WWOX: variants seen among roughly 807,000 people sequenced by gnomAD.
WWOX encodes the protein WW domain containing oxidoreductase.
WWOX carries 69 observed loss-of-function variants against 46.2 expected under a neutral mutation model. The observed-to-expected ratio is 1.49, with a 90% CI of 1.23 to 1.82. The LOEUF is 1.82. Among genes scored for constraint, WWOX ranks in the 40% most tolerant of loss-of-function variants. WWOX has a pLI of 0.00. For synonymous variants in WWOX, 359 were observed against 202.6 expected (o/e 1.77, Z -6.56); for missense variants, 919 against 542.6 (o/e 1.69, Z -6.89).
intron 8 of WWOX, among the ~76,000 whole-genome samples, chr16:78,554,107 G>A (rs2044233928): frequency 6.6e-6 from 1 of 152,134 alleles, no homozygotes; most frequent in Non-Finnish European, 1.5e-5. Flanking sequence ...AAACCATGTG[G>A]CACCCCTTCC....
At chr16:78,311,904 T>C (rs1010182552) in intron 5 of WWOX, among the ~76,000 whole-genome samples, 5 of 152,196 alleles carry the variant, frequency 3.3e-5, no homozygotes, top group Admixed American at 6.5e-5. Flanking sequence ...GACACAGGCC[T>C]CCCTGGGCTA....
intron 8 of WWOX, among the ~76,000 whole-genome samples, chr16:78,992,174 G>C (rs2046900588): frequency 6.6e-6 from 1 of 152,174 alleles, no homozygotes; most frequent in African/African-American, 2.4e-5. Context: ...AGCCTGCTTG[G>C]GACATTGGGC....
intron 5 of WWOX, among the ~76,000 whole-genome samples, chr16:78,185,459 A>G (rs528407690): frequency 5.5e-4 from 84 of 151,882 alleles, no homozygotes; most frequent in Non-Finnish European, 9.0e-4. Context: ...AAGCCGCAGA[A>G]CTTTTTCAAG....
chr16:78,164,045 C>A, intron 4 of WWOX, 138 bp from the exon 5 acceptor site: 1 of 804,622 alleles, frequency 1.2e-6, no homozygotes, highest in Middle Eastern at 2.3e-4. Context: ...CAGACATTTG[C>A]TTCTGTCCCC....
At chr16:78,394,657 T>A (rs2151939847) in intron 6 of WWOX, among the ~76,000 whole-genome samples, 1 of 152,332 alleles carries the variant, frequency 6.6e-6, no homozygotes, top group East Asian at 1.9e-4. Flanking sequence ...ATTTGAGAAT[T>A]TTCAGACTAT....
At chr16:78,331,392 G>A (rs1204290867) in intron 5 of WWOX, among the ~76,000 whole-genome samples, 1 of 152,190 alleles carries the variant, frequency 6.6e-6, no homozygotes, top group Admixed American at 6.5e-5. Flanking sequence ...CAGGCAACCA[G>A]GTAATAAACC....
intron 8 of WWOX, among the ~76,000 whole-genome samples, chr16:79,100,577 C>T (rs559522764): frequency 2.0e-5 from 3 of 152,290 alleles, no homozygotes; most frequent in African/African-American, 7.2e-5. Context: ...AGCTCTTTTC[C>T]TATACAAGTC....
intron 8 of WWOX, among the ~76,000 whole-genome samples, chr16:79,208,972 T>G (rs1200610097): frequency 6.6e-6 from 1 of 152,172 alleles, no homozygotes; most frequent in African/African-American, 2.4e-5. Flanking sequence ...GAAGGAGAAT[T>G]TGCCAAAGGT....
At chr16:78,327,455 C>T (rs983130370) in intron 5 of WWOX, among the ~76,000 whole-genome samples, 1 of 152,044 alleles carries the variant, frequency 6.6e-6, no homozygotes, top group Non-Finnish European at 1.5e-5. Flanking sequence ...AAAGCATGAC[C>T]CACTGGGCAG....
intron 3 of WWOX, among the ~76,000 whole-genome samples, chr16:78,113,611 A>T (rs1159253865): frequency 6.6e-6 from 1 of 152,096 alleles, no homozygotes. Flanking sequence ...GTGCTGGTAA[A>T]TGTTTAGCAC....
intron 8 of WWOX, among the ~76,000 whole-genome samples, chr16:78,614,942 C>G (rs182047622): frequency 6.6e-6 from 1 of 152,192 alleles, no homozygotes; most frequent in East Asian, 1.9e-4. Flanking sequence ...CTTTGTGATG[C>G]TTGCTTTAAT....
At chr16:78,370,918 T>A (rs1042349720) in intron 5 of WWOX, among the ~76,000 whole-genome samples, 1 of 151,802 alleles carries the variant, frequency 6.6e-6, no homozygotes, top group Non-Finnish European at 1.5e-5. Context: ...TTTCTAAAAA[T>A]TTTGTTTCCT....
intron 8 of WWOX, among the ~76,000 whole-genome samples, chr16:78,933,178 C>G (rs1225935117): frequency 5.9e-5 from 9 of 152,222 alleles, no homozygotes; most frequent in Admixed American, 5.2e-4. Flanking sequence ...GTGGCTCACG[C>G]CTGTAATCCC....
At chr16:78,363,183 G>A (rs183137010) in intron 5 of WWOX, among the ~76,000 whole-genome samples, 3 of 152,194 alleles carry the variant, frequency 2.0e-5, no homozygotes, top group Admixed American at 1.3e-4. Flanking sequence ...TGTGTTCACC[G>A]TGCTGTGTGA....
chr16:79,165,244 C>G (rs1363541022), intron 8 of WWOX, among the ~76,000 whole-genome samples: 1 of 151,926 alleles, frequency 6.6e-6, no homozygotes, highest in Non-Finnish European at 1.5e-5. Flanking sequence ...ATGGTAACGG[C>G]TTCCGGCATC....
chr16:78,832,066 T>A (rs1183625963), intron 8 of WWOX, among the ~76,000 whole-genome samples: 2 of 152,158 alleles, frequency 1.3e-5, no homozygotes, highest in Admixed American at 1.3e-4. Context: ...TAGAATCTCA[T>A]TGTCTTTGTG....
intron 8 of WWOX, among the ~76,000 whole-genome samples, chr16:79,096,021 T>TTTTA (rs2049063985): frequency 7.0e-6 from 1 of 143,128 alleles, no homozygotes; most frequent in Non-Finnish European, 1.5e-5. Flanking sequence ...GGATAATTTT[T>TTTTA]TTTTTTTTTT....
chr16:79,200,603 C>T (rs189951145), intron 8 of WWOX, among the ~76,000 whole-genome samples: 1 of 152,132 alleles, frequency 6.6e-6, no homozygotes, highest in African/African-American at 2.4e-5. Flanking sequence ...AAGAGACTCT[C>T]AGTAACCAGC....
intron 8 of WWOX, among the ~76,000 whole-genome samples, chr16:78,841,113 T>G (rs906091138): frequency 6.6e-6 from 1 of 152,102 alleles, no homozygotes; most frequent in African/African-American, 2.4e-5. Flanking sequence ...AAAACTTGTT[T>G]CCATTGATCT....
Sources: allele counts gnomAD v4.1 joint callset (sites outside exome capture counted in the v4.1 genomes callset), GRCh38; gene constraint gnomAD v4.1.1; transcripts MANE v1.5; gene names NCBI Gene and HGNC (gene_info 2026-07-23, HGNC 2026-07-21).